EHD4: variants seen among roughly 807,000 people sequenced by gnomAD.
EHD4 encodes EH domain containing 4, also known as EH domain-containing protein 4.
Under a neutral mutation model 51.0 loss-of-function variants are expected in EHD4, and 37 were observed. That is an observed-to-expected ratio of 0.73 (90% CI 0.56 to 0.95). The LOEUF (loss-of-function observed/expected upper bound fraction) is 0.95. Among genes scored for constraint, EHD4 ranks in the 40% least tolerant of loss-of-function variants. EHD4 has a pLI of 0.00. For missense variants in EHD4, 632 were observed against 733.1 expected, an observed-to-expected ratio of 0.86 and a Z score of 1.59; for synonymous variants, 297 against 317.3, an observed-to-expected ratio of 0.94 and a Z score of 0.68.
chr15:41,955,929 A>G (rs750973507), intron 1 of EHD4, among the ~76,000 whole-genome samples: 8 of 152,168 alleles, frequency 5.3e-5, no homozygotes, highest in Non-Finnish European at 1.0e-4. Flanking sequence ...ACTCACGTCC[A>G]GTTTGATTTT....
At chr15:41,920,102 G>A (rs2067614931) in intron 3 of EHD4, among the ~76,000 whole-genome samples, 1 of 152,216 alleles carries the variant, frequency 6.6e-6, no homozygotes, top group Non-Finnish European at 1.5e-5. Context: ...AACAGAAGAG[G>A]CATCGCCTTC....
chr15:41,967,896 C>A (rs1052346270), intron 1 of EHD4, among the ~76,000 whole-genome samples: 40 of 152,358 alleles, frequency 2.6e-4, no homozygotes, highest in African/African-American at 9.6e-4. Context: ...ATCCATGTGT[C>A]CGGCCAGAGA....
At chr15:41,915,267 G>A (rs562339269) in intron 4 of EHD4, among the ~76,000 whole-genome samples, 13 of 152,258 alleles carry the variant, frequency 8.5e-5, no homozygotes, top group Admixed American at 3.9e-4. Context: ...TAGTAGAGAC[G>A]GGGTTTCACC....
chr15:41,966,313 C>G (rs1350320007), intron 1 of EHD4, among the ~76,000 whole-genome samples: 1 of 152,166 alleles, frequency 6.6e-6, no homozygotes, highest in African/African-American at 2.4e-5. Flanking sequence ...CTGTTTCAGT[C>G]CTTTTCCTGG....
chr15:41,967,505 A>G (rs989407466), intron 1 of EHD4, among the ~76,000 whole-genome samples: 2 of 152,238 alleles, frequency 1.3e-5, no homozygotes, highest in African/African-American at 4.8e-5. Flanking sequence ...AAAATTAAAT[A>G]TCTCAATATT....
chr15:41,970,661 T>C (rs1474380697), intron 1 of EHD4, among the ~76,000 whole-genome samples: 1 of 152,212 alleles, frequency 6.6e-6, no homozygotes, highest in Non-Finnish European at 1.5e-5. Context: ...TGGCACAGCA[T>C]CTAGCAGGGG....
chr15:41,938,314 C>T (rs1019757361), intron 3 of EHD4, among the ~76,000 whole-genome samples: 1 of 152,160 alleles, frequency 6.6e-6, no homozygotes, highest in Admixed American at 6.5e-5. Flanking sequence ...TCCTTAACAT[C>T]TCCTTAACAT....
Position 41,901,180 on chromosome 15 carries a change from TC to T in EHD4, c.1090del (p.Glu364AsnfsTer14), listed in dbSNP as rs770012515. The T allele has an allele frequency of 4.5e-6, 7 of 1,541,554 alleles. No individual in the cohort carries two copies. Among genetic ancestry groups the T allele is most frequent in the South Asian group, 2.5e-5 (2 of 78,876 alleles). On this transcript the variant is annotated frameshift_variant and splice_region_variant, in exon 6 of 6. Transcript: ENST00000220325. LOFTEE classifies it high-confidence loss of function. ...GDFPEVKAMQ[E>X]QLENYDFTKF... ...GGTGAAGTCATAGTTCTCAAGCTGTTCCTGCAGAAGGACAAACCACAGGATG... is the reference window on the plus strand; with the variant it reads ...GGTGAAGTCATAGTTCTCAAGCTGTTCTGCAGAAGGACAAACCACAGGATG...
At chr15:41,951,128 A>T (rs1375089648) in intron 2 of EHD4, among the ~76,000 whole-genome samples, 2 of 152,046 alleles carry the variant, frequency 1.3e-5, no homozygotes, top group Non-Finnish European at 2.9e-5. Flanking sequence ...CACTGATCTC[A>T]CTGGTGGAGT....
In EHD4 at chr15:41,919,331, G is replaced by C. The variant is rs766831165; in HGVS notation, c.803C>G (p.Thr268Arg). 3 of 1,614,110 alleles carry C rather than the reference G, an allele frequency of 1.9e-6. No individual in the cohort carries two copies. The highest frequency in any genetic ancestry group is 1.1e-5 in the South Asian group (1 of 91,084). ...AGCCTCGAAGAGCCGGCGGTTGTCC[G>C]TGTTCTGCAGGGGCTGCGCCCAGAA... ...GSFWAQPLQNTDNRRLFEAEA... is the reference protein window; with the variant it reads ...GSFWAQPLQNRDNRRLFEAEA... The change falls in exon 4 of 6, where the codon ACG becomes AGG. Residue 268 changes from threonine (T) to arginine (R), a missense_variant. Transcript: ENST00000220325.
At chr15:41,952,042 T>C in intron 2 of EHD4, among the ~76,000 whole-genome samples, 1 of 152,254 alleles carries the variant, frequency 6.6e-6, no homozygotes, top group Non-Finnish European at 1.5e-5. Flanking sequence ...TGATTTGCAA[T>C]AGGATCATCA....
At chr15:41,950,190 C>A (rs920314689) in intron 2 of EHD4, among the ~76,000 whole-genome samples, 1 of 152,180 alleles carries the variant, frequency 6.6e-6, no homozygotes, top group African/African-American at 2.4e-5. Flanking sequence ...ACCATAGACC[C>A]CTTGTCGCTC....
At chr15:41,918,182 C>A (rs1404870976) in intron 4 of EHD4, among the ~76,000 whole-genome samples, 1 of 151,426 alleles carries the variant, frequency 6.6e-6, no homozygotes, top group Non-Finnish European at 1.5e-5. Flanking sequence ...GCATCCATAC[C>A]ATGACTGGCA....
rs1394731069 is a variant in EHD4, at chr15:41,899,084, C to T, written c.*1561G>A. On this transcript the variant is annotated 3_prime_UTR_variant, in exon 6 of 6. Coordinates refer to ENST00000220325, the MANE Select transcript of EHD4 (RefSeq NM_139265.4). ...GGTGACAGAAAAAAAAAATTATGTGCCTTTTGGAAGACTCAGTGGGACGGT... is the reference window on the plus strand; with the variant it reads ...GGTGACAGAAAAAAAAAATTATGTGTCTTTTGGAAGACTCAGTGGGACGGT... 2.0e-5 allele frequency: 3 copies of T among 152,008 alleles called. No homozygotes were observed. The highest frequency in any genetic ancestry group is 4.4e-5 in the Non-Finnish European group (3 of 68,028). The allele number at this position is 152,008 out of a possible 1,614,324, so 9.4% of individuals were successfully genotyped here.
chr15:41,937,213 C>T (rs2067737368), intron 3 of EHD4, among the ~76,000 whole-genome samples: 1 of 152,252 alleles, frequency 6.6e-6, no homozygotes, highest in Non-Finnish European at 1.5e-5. Context: ...TCTCCTGCCA[C>T]ATGCGCCCAC....
At chr15:41,958,912 T>G (rs774522326) in intron 1 of EHD4, among the ~76,000 whole-genome samples, 157 of 152,206 alleles carry the variant, frequency 1.0e-3, no homozygotes, top group Non-Finnish European at 1.8e-3. Context: ...TTACTAGTCT[T>G]ATGAGGACAC....
chr15:41,926,894 C>A (rs1423286310), intron 3 of EHD4, among the ~76,000 whole-genome samples: 1 of 152,214 alleles, frequency 6.6e-6, no homozygotes, highest in Admixed American at 6.5e-5. Flanking sequence ...ACTCATCCCT[C>A]TGGGGAACTT....
In EHD4 at chr15:41,919,554, C is replaced by T. The variant is rs975694777; in HGVS notation, c.580G>A (p.Ala194Thr). The T allele has an allele frequency of 2.0e-6, 3 of 1,528,922 alleles. No homozygotes were observed. The highest frequency in any genetic ancestry group is 2.2e-5 in the Admixed American group (1 of 45,776). The allele number at this position is 1,528,922 out of a possible 1,614,324, so 94.7% of individuals were successfully genotyped here. Reference sequence around the variant, plus strand: ...TCATCTGAGATGTCCAGCTTGTGAGCGTCAAAGAGCAGGATGATCCTGTCC... The same window carrying T: ...TCATCTGAGATGTCCAGCTTGTGAGTGTCAAAGAGCAGGATGATCCTGTCC... ...RVDRIILLFDAHKLDISDEFS... is the reference protein window; with the variant it reads ...RVDRIILLFDTHKLDISDEFS... The change falls in exon 4 of 6, where the codon GCT (alanine) becomes ACT (threonine). Residue 194 changes from alanine to threonine, a missense_variant. Transcript: ENST00000220325.
intron 1 of EHD4, among the ~76,000 whole-genome samples, chr15:41,955,661 T>C (rs954195670): frequency 6.6e-6 from 1 of 152,252 alleles, no homozygotes; most frequent in Non-Finnish European, 1.5e-5. Flanking sequence ...AAAACCTCTG[T>C]ATCCCTAATA....
Sources: allele counts gnomAD v4.1 joint callset (sites outside exome capture counted in the v4.1 genomes callset), GRCh38; gene constraint gnomAD v4.1.1; transcripts MANE v1.5; gene names NCBI Gene and HGNC (gene_info 2026-07-23, HGNC 2026-07-21).